The following CDK14 variants were observed in gnomAD, a reference collection of about 807,000 sequenced individuals.
The protein encoded by CDK14 is cyclin dependent kinase 14, also known as cyclin-dependent kinase 14.
In CDK14, 34 loss-of-function variants were observed where a neutral mutation model predicts 60.7. The observed-to-expected ratio is 0.56, with a 90% CI of 0.43 to 0.75. CDK14 has a LOEUF of 0.75. CDK14 is among the 30% of genes least tolerant of loss of function. CDK14 has a pLI of 0.00. For missense variants in CDK14, 482 were observed against 564.1 expected (o/e 0.85, Z 1.47); for synonymous variants, 197 against 203.7 (o/e 0.97, Z 0.28).
At chr7:90,693,201 G>A (rs1801590971) in intron 2 of CDK14, among the ~76,000 whole-genome samples, 1 of 152,058 alleles carries the variant, frequency 6.6e-6, no homozygotes, top group Admixed American at 6.6e-5. Context: ...ATACTTCTGT[G>A]GAATGTAAAT....
At chr7:90,699,232 A>T (rs1237120400) in intron 2 of CDK14, among the ~76,000 whole-genome samples, 1 of 152,238 alleles carries the variant, frequency 6.6e-6, no homozygotes, top group Non-Finnish European at 1.5e-5. Context: ...TGCCAGACTG[A>T]TCTGAACCAA....
chr7:90,645,360 C>G (rs1584765101), intron 2 of CDK14, among the ~76,000 whole-genome samples: 1 of 134,112 alleles, frequency 7.5e-6, no homozygotes, highest in Non-Finnish European at 1.6e-5. Flanking sequence ...TGAATGATTT[C>G]TCTTTAAATA....
intron 5 of CDK14, among the ~76,000 whole-genome samples, chr7:90,819,937 TC>T (rs1035371138): frequency 1.3e-5 from 2 of 152,160 alleles, no homozygotes; most frequent in Non-Finnish European, 2.9e-5. Flanking sequence ...AAATTTTTGG[TC>T]ATCCTTAACA....
intron 5 of CDK14, among the ~76,000 whole-genome samples, chr7:90,819,228 T>A (rs1025665892): frequency 1.3e-5 from 2 of 152,180 alleles, no homozygotes; most frequent in African/African-American, 4.8e-5. Flanking sequence ...ACTGAGATTT[T>A]CAAACCTCTA....
chr7:91,001,845 T>G (rs1257984051), intron 10 of CDK14, among the ~76,000 whole-genome samples: 1 of 152,252 alleles, frequency 6.6e-6, no homozygotes, highest in Admixed American at 6.5e-5. Flanking sequence ...AGTTGTTGTC[T>G]TTAAAGCTCT....
intron 4 of CDK14, among the ~76,000 whole-genome samples, chr7:90,776,667 A>G (rs1009682418): frequency 6.6e-6 from 1 of 152,188 alleles, no homozygotes. Flanking sequence ...ACAAATGTAG[A>G]TGTGAATTAA....
intron 14 of CDK14, among the ~76,000 whole-genome samples, chr7:91,203,454 T>C (rs1802789762): frequency 6.6e-6 from 1 of 152,216 alleles, no homozygotes; most frequent in African/African-American, 2.4e-5. Context: ...GTCCCCTGAC[T>C]TGCTCCTTCA....
chr7:90,767,402 A>G (rs1190294509), intron 4 of CDK14, among the ~76,000 whole-genome samples: 3 of 151,922 alleles, frequency 2.0e-5, no homozygotes, highest in Admixed American at 6.6e-5. Flanking sequence ...TTTTCTCTCT[A>G]GTCATTTATT....
At chr7:90,710,227 A>T in intron 2 of CDK14, 1 of 985,290 alleles carries the variant, frequency 1.0e-6, no homozygotes, top group Non-Finnish European at 1.2e-6. Context: ...AGCAGTGATA[A>T]GATGGGGAAA....
At chr7:91,011,242 G>T (rs779273939) in intron 10 of CDK14, among the ~76,000 whole-genome samples, 3 of 152,034 alleles carry the variant, frequency 2.0e-5, no homozygotes, top group African/African-American at 7.2e-5. Context: ...CCCTACCTGA[G>T]GCATGATACT....
intron 12 of CDK14, among the ~76,000 whole-genome samples, chr7:91,081,919 C>T (rs1348286028): frequency 6.6e-6 from 1 of 151,888 alleles, no homozygotes; most frequent in African/African-American, 2.4e-5. Context: ...AAGGAAAGTC[C>T]TTTTATTCCC....
At chr7:90,840,185 C>A (rs558115764) in intron 5 of CDK14, among the ~76,000 whole-genome samples, 28 of 152,282 alleles carry the variant, frequency 1.8e-4, no homozygotes, top group African/African-American at 6.3e-4. Context: ...TCTAGCCTGG[C>A]AACTGCCTAT....
At position 90,923,352 on chromosome 7, in the gene CDK14, G is replaced by A. The variant is rs1195186553; in HGVS notation, c.826+5628G>A. On this transcript the variant is annotated intron_variant, in intron 8 of 14. Coordinates refer to ENST00000380050, the MANE Select transcript of CDK14 (RefSeq NM_001287135.2). ...TCTCGATCTCCTGACCTCGTGATCT[G>A]CCCATTTCGGCCTCCCAAAATGCTG... Among the ~76,000 whole-genome samples, 3 of 152,048 alleles carry A rather than the reference G, an allele frequency of 2.0e-5. No homozygotes were observed. In the East Asian group the frequency reaches 5.8e-4, roughly 29 times the overall value.
chr7:91,081,074 A>T (rs1410223741), intron 12 of CDK14, among the ~76,000 whole-genome samples: 1 of 152,236 alleles, frequency 6.6e-6, no homozygotes, highest in African/African-American at 2.4e-5. Context: ...AGAAACACTA[A>T]GTAATAAAAT....
rs748021425 is a variant in CDK14 at position 90,769,472 on chromosome 7, TTC to T, written c.465-21099_465-21098del. Among the ~76,000 whole-genome samples the T allele has an allele frequency of 1.9e-4, 29 of 149,902 alleles. 1 individual carries two copies. Among genetic ancestry groups the T allele is most frequent in the Admixed American group, 4.7e-4 (7 of 15,022 alleles). On this transcript the variant is annotated intron_variant, in intron 4 of 14. Transcript: ENST00000380050. Reference sequence around the variant, plus strand: ...CTTCTGTGATTTCTTTCTCTTTTCTTTCTTTTTTTTTTTGACTGAGCCCTCAT... The same window carrying T: ...CTTCTGTGATTTCTTTCTCTTTTCTTTTTTTTTTTTTGACTGAGCCCTCAT...
chr7:90,659,376 G>T (rs1028574134), intron 2 of CDK14, among the ~76,000 whole-genome samples: 1 of 152,150 alleles, frequency 6.6e-6, no homozygotes, highest in African/African-American at 2.4e-5. Context: ...ACCCCAAAGG[G>T]TTAGATTATA....
intron 2 of CDK14, among the ~76,000 whole-genome samples, chr7:90,620,017 C>T (rs1213163770): frequency 6.6e-6 from 1 of 152,024 alleles, no homozygotes; most frequent in Non-Finnish European, 1.5e-5. Context: ...AAAACAAATA[C>T]AGAGAGATAT....
intron 4 of CDK14, among the ~76,000 whole-genome samples, chr7:90,778,073 C>T (rs530919867): frequency 6.6e-6 from 1 of 152,262 alleles, no homozygotes; most frequent in South Asian, 2.1e-4. Context: ...TGCAGTCCCC[C>T]AAGTAACTCA....
chr7:90,866,018 A>T (rs1791167165), intron 6 of CDK14, among the ~76,000 whole-genome samples: 1 of 152,144 alleles, frequency 6.6e-6, no homozygotes, highest in South Asian at 2.1e-4. Context: ...ACCTTCCTTT[A>T]TTCTACACTT....
Sources: allele counts gnomAD v4.1 joint callset (sites outside exome capture counted in the v4.1 genomes callset), GRCh38; gene constraint gnomAD v4.1.1; transcripts MANE v1.5; gene names NCBI Gene and HGNC (gene_info 2026-07-23, HGNC 2026-07-21).